LAPTM5: variants seen among roughly 807,000 people sequenced by gnomAD.
LAPTM5 encodes lysosomal protein transmembrane 5.
LAPTM5 carries 11 observed loss-of-function variants against 30.1 expected under a neutral mutation model. The observed-to-expected ratio is 0.37, with a 90% CI of 0.23 to 0.60. The LOEUF (loss-of-function observed/expected upper bound fraction) is 0.60, where lower values mean the gene tolerates loss of function less well. Among genes scored for constraint, LAPTM5 ranks in the 20% least tolerant of loss-of-function variants. The pLI is 0.71. For synonymous variants in LAPTM5, 151 were observed against 137.9 expected, an observed-to-expected ratio of 1.10 and a Z score of -0.67; for missense variants, 324 against 332.5, an observed-to-expected ratio of 0.97 and a Z score of 0.20.
Position 30,733,284 on chromosome 1 carries a change from C to T in LAPTM5, c.*544G>A. 4.2e-6 allele frequency: 1 copy of T among 237,022 alleles called. No individual in the cohort carries two copies. The highest frequency in any genetic ancestry group is 8.6e-6 in the Non-Finnish European group (1 of 116,746). 14.7% of individuals were successfully genotyped at this position (237,022 alleles called of 1,614,324 possible). A position where few individuals can be genotyped will look rare whatever the true frequency, so the allele number is the denominator to read the frequency against. Reference sequence around the variant, plus strand: ...TTCTATTTATCACTATTCTAAATGACTCATGGTTGGCTAATTGATTATCAT... The same window carrying T: ...TTCTATTTATCACTATTCTAAATGATTCATGGTTGGCTAATTGATTATCAT... On this transcript the variant is annotated 3_prime_UTR_variant, in exon 8 of 8. Transcript: ENST00000294507.
At position 30,734,826 on chromosome 1, in the gene LAPTM5, C is replaced by A. The variant is rs1006531813; in HGVS notation, c.699+347G>T. ...GCTTCCCTGATACCTGAGAAGAGGC[C>A]AGGTCCTTCCTCTGTGCTTATTGTC... is the stretch of plus-strand genomic sequence containing the variant. On this transcript the variant is annotated intron_variant, in intron 7 of 7. Coordinates refer to ENST00000294507, the MANE Select transcript of LAPTM5 (RefSeq NM_006762.3). Among the ~76,000 whole-genome samples, 3 of 152,338 alleles carry A rather than the reference C, an allele frequency of 2.0e-5. No homozygotes were observed. In the East Asian group the frequency reaches 5.8e-4, roughly 29 times the overall value.
At chr1:30,751,826 G>A (rs552896439) in intron 1 of LAPTM5, among the ~76,000 whole-genome samples, 1 of 152,144 alleles carries the variant, frequency 6.6e-6, no homozygotes, top group East Asian at 1.9e-4. Context: ...CTTCGCTAGG[G>A]TCTCCTCCAA....
chr1:30,739,952 C>T lies in LAPTM5; in HGVS notation c.259-15G>A, dbSNP rs1569857994. 2.6e-6 allele frequency: 4 copies of T among 1,563,360 alleles called. No homozygotes were observed. Among genetic ancestry groups the T allele is most frequent in the East Asian group, 4.7e-5 (2 of 42,918 alleles). On this transcript the variant is annotated splice_polypyrimidine_tract_variant and intron_variant, in intron 3 of 7. Transcript: ENST00000294507. This position sits in a 1 kb window ranked among gnomAD's most constrained non-coding sequence, Gnocchi z 4.2. ...TTCTCCCGGTTCTGAAAGGTAGGCC[C>T]AGCACCGTCAAGTGTCCCCTGCATG...
chr1:30,732,962 C>T lies in LAPTM5; in HGVS notation c.*866G>A, dbSNP rs2124171840. The T allele has an allele frequency of 6.6e-6, 1 of 152,560 alleles. No individual in the cohort carries two copies. Among genetic ancestry groups the T allele is most frequent in the East Asian group, 1.9e-4 (1 of 5,190 alleles). 9.5% of individuals were successfully genotyped at this position (152,560 alleles called of 1,614,324 possible). On this transcript the variant is annotated 3_prime_UTR_variant, in exon 8 of 8. Transcript: ENST00000294507. ...TGGAATCCACTGTTATGCAGCCACA[C>T]TGACCACAGAGCAACTGAATAGGTG...
At chr1:30,757,070 T>A (rs1044479443) in intron 1 of LAPTM5, among the ~76,000 whole-genome samples, 3 of 152,210 alleles carry the variant, frequency 2.0e-5, no homozygotes, top group African/African-American at 4.8e-5. Context: ...AGGTCTCAAG[T>A]TCTCTTTGGT....
rs779810690 is a variant in LAPTM5, at chr1:30,741,679, G to A, written c.219C>T (p.Leu73=). Residue 73 remains leucine (L), a synonymous_variant, in exon 3 of 8, where the codon CTC becomes CTT. Transcript: ENST00000294507. Reference sequence around the variant, plus strand: ...TCAGTAGGCTCAGGCTGATGATGAAGAGCATGGTGATGAGCAGGAAGCTGG... The same window carrying A: ...TCAGTAGGCTCAGGCTGATGATGAAAAGCATGGTGATGAGCAGGAAGCTGG... The part of the protein sequence containing the change: ...LISSFLLITM[L]FIISLSLLIG... 2 of 1,608,956 alleles carry A rather than the reference G, an allele frequency of 1.2e-6. No individual in the cohort carries two copies. Among genetic ancestry groups the A allele is most frequent in the South Asian group, 2.2e-5 (2 of 90,054 alleles).
At chr1:30,757,528 GC>G (rs1640228773) in intron 1 of LAPTM5, 130 bp downstream of exon 1, 3 of 949,326 alleles carry the variant, frequency 3.2e-6, no homozygotes, top group Admixed American at 2.0e-5. Flanking sequence ...ACAGGGATTT[GC>G]CCAGGGTCCC....
At chr1:30,753,125 A>T (rs918402415) in intron 1 of LAPTM5, among the ~76,000 whole-genome samples, 33 of 151,868 alleles carry the variant, frequency 2.2e-4, no homozygotes, top group African/African-American at 7.5e-4. Flanking sequence ...TACTTGAGCC[A>T]CAAAGTAAAG....
In LAPTM5 at chr1:30,733,188, G is replaced by C. The variant is rs543389078; in HGVS notation, c.*640C>G. Reference sequence around the variant, plus strand: ...CGCCAGAGTTGGCATCCAGTTGATGGGTTCATTTGAATTAAATGGTTTGGA... The same window carrying C: ...CGCCAGAGTTGGCATCCAGTTGATGCGTTCATTTGAATTAAATGGTTTGGA... On this transcript the variant is annotated 3_prime_UTR_variant, in exon 8 of 8. Transcript: ENST00000294507. 3 of 158,082 alleles carry C rather than the reference G, an allele frequency of 1.9e-5. No homozygotes were observed. Among genetic ancestry groups the C allele is most frequent in the East Asian group, 1.9e-4 (1 of 5,312 alleles). 9.8% of individuals were successfully genotyped at this position (158,082 alleles called of 1,614,324 possible). A position where few individuals can be genotyped will look rare whatever the true frequency, so the allele number is the denominator to read the frequency against.
intron 6 of LAPTM5, 50 bp downstream of exon 6, chr1:30,737,554 A>G: frequency 1.4e-6 from 2 of 1,412,506 alleles, no homozygotes; most frequent in South Asian, 2.4e-5. Flanking sequence ...GCCTGGGCCC[A>G]GCACAGCCTC....
chr1:30,741,028 T>C (rs1639963374), intron 3 of LAPTM5, among the ~76,000 whole-genome samples: 1 of 152,200 alleles, frequency 6.6e-6, no homozygotes, highest in Admixed American at 6.5e-5. Context: ...CTGCAGGGGA[T>C]TGAGCTACAG....
rs1202062592 is a variant in LAPTM5 at position 30,733,575 on chromosome 1, T to C, written c.*253A>G. The C allele has an allele frequency of 1.6e-5, 24 of 1,511,750 alleles. No homozygotes were observed. The highest frequency in any genetic ancestry group is 2.0e-5 in the Non-Finnish European group (23 of 1,131,858). The allele number at this position is 1,511,750 out of a possible 1,614,324, so 93.6% of individuals were successfully genotyped here. A position where few individuals can be genotyped will look rare whatever the true frequency, so the allele number is the denominator to read the frequency against. On this transcript the variant is annotated 3_prime_UTR_variant, in exon 8 of 8. Coordinates refer to ENST00000294507, the MANE Select transcript of LAPTM5 (RefSeq NM_006762.3). ...TCGTCTAAACAAGTGTCAGAGCTGATTGAAATAAACCAAGCATTGTTGGGC... is the reference window on the plus strand; with the variant it reads ...TCGTCTAAACAAGTGTCAGAGCTGACTGAAATAAACCAAGCATTGTTGGGC...
chr1:30,739,781 CG>C lies in LAPTM5; in HGVS notation c.387+27del. 1 of 1,570,084 alleles carries C rather than the reference CG, an allele frequency of 6.4e-7. No individual in the cohort carries two copies. The highest frequency in any genetic ancestry group is 8.6e-7 in the Non-Finnish European group (1 of 1,156,384). On this transcript the variant is annotated intron_variant, in intron 4 of 7. Coordinates refer to ENST00000294507, the MANE Select transcript of LAPTM5 (RefSeq NM_006762.3). The surrounding 1 kb of genome is among the most constrained non-coding windows in gnomAD (Gnocchi z 4.2). ...CATGCCAGACCTGGGCTCTGCTGTC[CG>C]GTGAGAGGTGGGGGCTGGGTACTCA...
At chr1:30,750,180 G>A (rs1006874024) in intron 1 of LAPTM5, among the ~76,000 whole-genome samples, 2 of 152,260 alleles carry the variant, frequency 1.3e-5, no homozygotes, top group South Asian at 2.1e-4. Context: ...CAGCCAGTGG[G>A]GGGCTCAGAG....
intron 1 of LAPTM5, among the ~76,000 whole-genome samples, chr1:30,747,708 T>C (rs533590453): frequency 6.6e-6 from 1 of 152,056 alleles, no homozygotes; most frequent in East Asian, 1.9e-4. Flanking sequence ...AGGATGGAAA[T>C]CAGGGAAGAT....
chr1:30,752,494 T>C (rs114196191), intron 1 of LAPTM5, among the ~76,000 whole-genome samples: 45 of 152,194 alleles, frequency 3.0e-4, no homozygotes, highest in Admixed American at 3.3e-4. Context: ...TCCAAGCCTG[T>C]GTCATGCTAC....
chr1:30,750,235 T>C (rs1640112981), intron 1 of LAPTM5, among the ~76,000 whole-genome samples: 1 of 152,166 alleles, frequency 6.6e-6, no homozygotes, highest in African/African-American at 2.4e-5. Flanking sequence ...CTCCACTTCC[T>C]AGATATCTGG....
intron 6 of LAPTM5, among the ~76,000 whole-genome samples, chr1:30,737,240 C>A (rs1000101927): frequency 1.3e-5 from 2 of 152,200 alleles, no homozygotes; most frequent in Non-Finnish European, 2.9e-5. Flanking sequence ...GTAACACAGG[C>A]AAAACAAGAC....
rs1475700740 is a variant in LAPTM5 at position 30,733,707 on chromosome 1, A to C, written c.*121T>G. Reference sequence around the variant, plus strand: ...GCAGGCCAGCGAGGGAGACACAAGCAGATTGTCCTGCCAGGGAGGGGCGGG... The same window carrying C: ...GCAGGCCAGCGAGGGAGACACAAGCCGATTGTCCTGCCAGGGAGGGGCGGG... On this transcript the variant is annotated 3_prime_UTR_variant, in exon 8 of 8. Coordinates refer to ENST00000294507, the MANE Select transcript of LAPTM5 (RefSeq NM_006762.3). 7 of 1,531,774 alleles carry C rather than the reference A, an allele frequency of 4.6e-6. No homozygotes were observed. In the Admixed American group the frequency reaches 1.4e-4, roughly 30 times the overall value. The allele number at this position is 1,531,774 out of a possible 1,614,324, so 94.9% of individuals were successfully genotyped here.
Sources: gnomAD v4.1 joint callset for allele counts (sites outside exome capture counted in the v4.1 genomes callset) on GRCh38, gnomAD v4.1.1 for gene constraint, Gnocchi (gnomAD v3.1) non-coding constraint, MANE v1.5 for transcripts, NCBI Gene and HGNC (gene_info 2026-07-23, HGNC 2026-07-21) for gene names.